The following JADE3 variants were observed in gnomAD, a reference collection of about 807,000 sequenced individuals.
JADE3 encodes the protein jade family PHD finger 3.
JADE3 carries 2 observed loss-of-function variants against 50.1 expected under a neutral mutation model. That is an observed-to-expected ratio of 0.04 (90% confidence interval 0.02 to 0.13). JADE3 has a LOEUF of 0.13. JADE3 is among the 10% of genes least tolerant of loss of function. The pLI is 1.00. For synonymous variants in JADE3, 218 were observed against 232.9 expected (o/e 0.94, Z 0.58); for missense variants, 475 against 634.4 (o/e 0.75, Z 2.70).
At chrX:46,974,704 C>G (rs1237876547) in intron 1 of JADE3, among the ~76,000 whole-genome samples, 7 of 112,241 alleles carry the variant, frequency 6.2e-5, no homozygotes, top group Non-Finnish European at 1.1e-4. Flanking sequence ...AAGTTAGTTC[C>G]CTAAGCATGG....
chrX:47,056,260 A>C, intron 10 of JADE3, 61 bp downstream of exon 10: 1 of 597,045 alleles, frequency 1.7e-6, no homozygotes, highest in Non-Finnish European at 2.7e-6. Context: ...TCCTATCTTA[A>C]CAATTTAAAT....
At chrX:47,050,889 T>C (rs1556371823) in intron 8 of JADE3, among the ~76,000 whole-genome samples, 1 of 112,404 alleles carries the variant, frequency 8.9e-6, no homozygotes, top group Non-Finnish European at 1.9e-5. Context: ...AGAATACCTT[T>C]TACTTTGTTT....
intron 3 of JADE3, among the ~76,000 whole-genome samples, chrX:46,993,259 A>G (rs903613721): frequency 8.9e-6 from 1 of 111,971 alleles, no homozygotes; most frequent in Non-Finnish European, 1.9e-5. Flanking sequence ...ACAGAATGAA[A>G]GCTCATATAT....
chrX:46,917,254 C>CT (rs1556336533), intron 1 of JADE3, among the ~76,000 whole-genome samples: 1 of 109,491 alleles, frequency 9.1e-6, no homozygotes. Flanking sequence ...GTGGGGGTGG[C>CT]TCGGTGTGTT....
chrX:47,028,774 A>G, intron 6 of JADE3, among the ~76,000 whole-genome samples: 1 of 110,739 alleles, frequency 9.0e-6, no homozygotes, highest in Non-Finnish European at 1.9e-5. Flanking sequence ...TTTTTCCCCC[A>G]CAAGCACTGT....
At chrX:46,994,261 T>C (rs1928075777) in intron 3 of JADE3, among the ~76,000 whole-genome samples, 1 of 112,045 alleles carries the variant, frequency 8.9e-6, no homozygotes, top group South Asian at 3.7e-4. Context: ...ATTGAATTCA[T>C]AGTGAGGCCT....
At chrX:47,002,533 T>C (rs1180314839) in intron 4 of JADE3, among the ~76,000 whole-genome samples, 2 of 111,225 alleles carry the variant, frequency 1.8e-5, no homozygotes, top group Non-Finnish European at 3.8e-5. Context: ...GTGTTAAAAT[T>C]TTTTGAGCAG....
chrX:46,913,380 T>C (rs1342608435), intron 1 of JADE3, among the ~76,000 whole-genome samples: 1 of 110,390 alleles, frequency 9.1e-6, no homozygotes, highest in Admixed American at 9.4e-5. Context: ...ACTGGCGGCA[T>C]TGTTCGAACT....
chrX:46,981,289 A>G (rs1376882176), intron 1 of JADE3, among the ~76,000 whole-genome samples: 1 of 112,579 alleles, frequency 8.9e-6, no homozygotes, highest in East Asian at 2.7e-4. Flanking sequence ...ATAGGATTTT[A>G]TACATTTGGG....
At chrX:47,018,485 C>T (rs1308559426) in intron 4 of JADE3, among the ~76,000 whole-genome samples, 4 of 110,153 alleles carry the variant, frequency 3.6e-5, no homozygotes, top group African/African-American at 1.3e-4. Context: ...AGGCACCTGC[C>T]ACCACGCCCA....
intron 1 of JADE3, among the ~76,000 whole-genome samples, chrX:46,925,262 T>C (rs1295535546): frequency 1.8e-5 from 2 of 112,381 alleles, no homozygotes; most frequent in Non-Finnish European, 3.7e-5. Context: ...TCTGTTTGAC[T>C]GTAGAAATTG....
intron 4 of JADE3, among the ~76,000 whole-genome samples, chrX:47,007,357 T>C (rs1256640328): frequency 1.8e-5 from 2 of 111,706 alleles, no homozygotes; most frequent in Non-Finnish European, 3.8e-5. Flanking sequence ...GTTGGTTCTA[T>C]CAATTATTGA....
At chrX:47,038,717 A>G (rs1365794472) in intron 7 of JADE3, among the ~76,000 whole-genome samples, 1 of 109,407 alleles carries the variant, frequency 9.1e-6, no homozygotes, top group Admixed American at 9.8e-5. Context: ...TGCCTAGTCT[A>G]TACTCCTGCT....
chrX:47,021,882 A>G (rs1928801724), intron 4 of JADE3, among the ~76,000 whole-genome samples: 1 of 111,987 alleles, frequency 8.9e-6, no homozygotes, highest in Admixed American at 9.5e-5. Flanking sequence ...CTCCTGTCCC[A>G]TGGATTGCCT....
intron 1 of JADE3, among the ~76,000 whole-genome samples, chrX:46,958,639 A>G (rs1220347271): frequency 8.9e-6 from 1 of 112,347 alleles, no homozygotes; most frequent in East Asian, 2.8e-4. Context: ...TGGGTGTGTC[A>G]TGTTCTTAGA....
At chrX:46,970,760 C>G (rs1289142199) in intron 1 of JADE3, among the ~76,000 whole-genome samples, 1 of 111,396 alleles carries the variant, frequency 9.0e-6, no homozygotes, top group African/African-American at 3.3e-5. Flanking sequence ...TACGTTGTTA[C>G]GAAAACCTGG....
chrX:47,004,918 A>G (rs1397187349), intron 4 of JADE3, among the ~76,000 whole-genome samples: 2 of 112,239 alleles, frequency 1.8e-5, no homozygotes, highest in Non-Finnish European at 3.8e-5. Flanking sequence ...CTAGACTTCT[A>G]CTTCCAAAAA....
In JADE3 at chrX:46,912,446, C is replaced by T. The variant is rs1462520275; in HGVS notation, c.-285C>T. ...ACAGTGTCAGGAATACAATAGTGCT[C>T]CGCGCCGCCTCAGCCGCCGCCGCCG... On this transcript the variant is annotated 5_prime_UTR_variant, in exon 1 of 11. Transcript: ENST00000614628. The T allele has an allele frequency of 4.5e-5, 5 of 112,137 alleles. No homozygotes were observed. The highest frequency in any genetic ancestry group is 6.5e-5 in the African/African-American group (2 of 30,925). 9.2% of individuals were successfully genotyped at this position (112,137 alleles called of 1,213,427 possible).
At chrX:47,053,089 A>G (rs1465193391) in intron 8 of JADE3, among the ~76,000 whole-genome samples, 5 of 108,837 alleles carry the variant, frequency 4.6e-5, no homozygotes, top group African/African-American at 1.7e-4. Context: ...ATAGCCACTC[A>G]TGGCTACTTG....
Sources: gnomAD v4.1 joint callset for allele counts (sites outside exome capture counted in the v4.1 genomes callset) on GRCh38, gnomAD v4.1.1 for gene constraint, MANE v1.5 for transcripts, NCBI Gene and HGNC (gene_info 2026-07-23, HGNC 2026-07-21) for gene names.